TXNRD1: variants seen among roughly 807,000 people sequenced by gnomAD.
The protein encoded by TXNRD1 is thioredoxin reductase 1.
Under a neutral mutation model 80.3 loss-of-function variants are expected in TXNRD1, and 57 were observed. The observed-to-expected ratio is 0.71, with a 90% CI of 0.57 to 0.89. The LOEUF (loss-of-function observed/expected upper bound fraction) is 0.89. Ranked by LOEUF, TXNRD1 falls within the 40% of genes least tolerant of loss-of-function variation. The pLI is 0.00. For synonymous variants in TXNRD1, 291 were observed against 285.2 expected (o/e 1.02, Z -0.20); for missense variants, 730 against 803.0 (o/e 0.91, Z 1.10).
intron 1 of TXNRD1, among the ~76,000 whole-genome samples, chr12:104,238,086 A>G (rs1225011077): frequency 6.6e-6 from 1 of 152,214 alleles, no homozygotes; most frequent in African/African-American, 2.4e-5. Context: ...GACTTTAAGA[A>G]ATAAAAATAG....
intron 1 of TXNRD1, among the ~76,000 whole-genome samples, chr12:104,244,264 A>G (rs1320372845): frequency 6.6e-6 from 1 of 152,212 alleles, no homozygotes; most frequent in Non-Finnish European, 1.5e-5. Context: ...TATGAATTGT[A>G]TGAAGATGTT....
At chr12:104,330,647 C>T (rs757352227) in intron 13 of TXNRD1, among the ~76,000 whole-genome samples, 1 of 151,984 alleles carries the variant, frequency 6.6e-6, no homozygotes, top group African/African-American at 2.4e-5. Flanking sequence ...AGTGCAATGG[C>T]GTGATCTTGG....
At chr12:104,254,619 CTA>C (rs1222942161) in intron 2 of TXNRD1, among the ~76,000 whole-genome samples, 4 of 41,656 alleles carry the variant, frequency 9.6e-5, no homozygotes, top group Non-Finnish European at 1.8e-4. Context: ...TAACAAGACT[CTA>C]TGTCTATGGA....
At chr12:104,302,522 C>T (rs2034673483) in intron 4 of TXNRD1, among the ~76,000 whole-genome samples, 1 of 90,842 alleles carries the variant, frequency 1.1e-5, no homozygotes. Flanking sequence ...CGGAGTCTCG[C>T]TCTATAGCCC....
chr12:104,287,580 C>G, intron 3 of TXNRD1: 2 of 1,459,762 alleles, frequency 1.4e-6, no homozygotes, highest in Non-Finnish European at 1.8e-6. Context: ...CCTCAGAAAT[C>G]CTGAGACGTT....
intron 3 of TXNRD1, among the ~76,000 whole-genome samples, chr12:104,272,850 T>C (rs950304964): frequency 1.3e-5 from 2 of 150,762 alleles, no homozygotes; most frequent in Non-Finnish European, 3.0e-5. Context: ...TACTGACATA[T>C]TGATTCTTTG....
intron 2 of TXNRD1, among the ~76,000 whole-genome samples, chr12:104,253,338 T>A (rs1174857341): frequency 1.3e-5 from 2 of 152,158 alleles, no homozygotes; most frequent in African/African-American, 4.8e-5. Flanking sequence ...ATGATAGTGA[T>A]GCCTTTCATG....
intron 3 of TXNRD1, among the ~76,000 whole-genome samples, chr12:104,278,522 G>A (rs1300023381): frequency 2.3e-5 from 2 of 86,486 alleles, no homozygotes; most frequent in Non-Finnish European, 4.3e-5. Context: ...TTTTTTTTGA[G>A]ATGGAGTCTC....
In TXNRD1 at chr12:104,225,903, A is replaced by C. The variant is rs2032462593; in HGVS notation, c.91+10010A>C. 2.6e-5 allele frequency among the ~76,000 whole-genome samples: 4 copies of C among 152,212 alleles called. No individual in the cohort carries two copies. The South Asian group carries it at 8.3e-4, about 32-fold the overall frequency. On this transcript the variant is annotated intron_variant, in intron 1 of 16. Transcript: ENST00000525566. ...TGGATTACCAGTATCTGGAAACAATAGAAAAAGGAGCTTATGCCGGGCACA... is the reference window on the plus strand; with the variant it reads ...TGGATTACCAGTATCTGGAAACAATCGAAAAAGGAGCTTATGCCGGGCACA...
At chr12:104,289,927 T>C (rs1369775174) in intron 4 of TXNRD1, among the ~76,000 whole-genome samples, 1 of 152,084 alleles carries the variant, frequency 6.6e-6, no homozygotes, top group Non-Finnish European at 1.5e-5. Flanking sequence ...GGTCTCAAAC[T>C]CCTGACCTCA....
At chr12:104,229,567 T>TATTTTATTTTATTTC (rs1565853240) in intron 1 of TXNRD1, among the ~76,000 whole-genome samples, 6 of 146,778 alleles carry the variant, frequency 4.1e-5, no homozygotes, top group African/African-American at 1.6e-4. Context: ...TACAACATTT[T>TATTTTATTTTATTTC]ATTTTATTTT....
At chr12:104,343,169 T>C (rs968281595) in intron 16 of TXNRD1, among the ~76,000 whole-genome samples, 1 of 152,152 alleles carries the variant, frequency 6.6e-6, no homozygotes, top group Non-Finnish European at 1.5e-5. Context: ...GAGCACCCCA[T>C]GCGGTGGATG....
chr12:104,337,951 T>A (rs1043260442), intron 15 of TXNRD1, among the ~76,000 whole-genome samples: 4 of 138,628 alleles, frequency 2.9e-5, no homozygotes, highest in African/African-American at 1.1e-4. Context: ...TGTGCCCAGC[T>A]AATTTTTTTT....
chr12:104,254,644 A>AATATATATATAT (rs1178469026), intron 2 of TXNRD1, among the ~76,000 whole-genome samples: 9 of 93,628 alleles, frequency 9.6e-5, no homozygotes, highest in Admixed American at 5.2e-4. Flanking sequence ...AAAAAAAAAA[A>AATATATATATAT]ATATATATAT....
At chr12:104,312,010 A>G (rs962843045) in intron 5 of TXNRD1, among the ~76,000 whole-genome samples, 1 of 151,474 alleles carries the variant, frequency 6.6e-6, no homozygotes, top group African/African-American at 2.4e-5. Flanking sequence ...ATGTGTATAT[A>G]TATGTATATA....
At chr12:104,227,936 G>A (rs2032510610) in intron 1 of TXNRD1, among the ~76,000 whole-genome samples, 2 of 152,030 alleles carry the variant, frequency 1.3e-5, no homozygotes, top group African/African-American at 4.8e-5. Context: ...ATTCATTGAA[G>A]GATATTTAGA....
chr12:104,329,654 A>T (rs999341150), intron 13 of TXNRD1, among the ~76,000 whole-genome samples: 1 of 152,116 alleles, frequency 6.6e-6, no homozygotes, highest in Non-Finnish European at 1.5e-5. Context: ...TCTCCAAAAA[A>T]AAAAATAAAT....
chr12:104,257,234 T>TTTTG (rs1004529065), intron 2 of TXNRD1, among the ~76,000 whole-genome samples: 1 of 151,892 alleles, frequency 6.6e-6, no homozygotes, highest in Non-Finnish European at 1.5e-5. Flanking sequence ...GCATAAGATT[T>TTTTG]TTTGTTTGTT....
At chr12:104,296,583 A>AT (rs2034445018) in intron 4 of TXNRD1, among the ~76,000 whole-genome samples, 1 of 152,120 alleles carries the variant, frequency 6.6e-6, no homozygotes, top group Non-Finnish European at 1.5e-5. Flanking sequence ...CAATTTTTAA[A>AT]TTTTTTGTAA....
Sources: allele counts gnomAD v4.1 joint callset (sites outside exome capture counted in the v4.1 genomes callset), GRCh38; gene constraint gnomAD v4.1.1; transcripts MANE v1.5; gene names NCBI Gene and HGNC (gene_info 2026-07-23, HGNC 2026-07-21).